Variants in NECTIN1 observed in about 807,000 individuals in gnomAD.
The protein encoded by NECTIN1 is nectin-1.
NECTIN1 carries 23 observed loss-of-function variants against 48.0 expected under a neutral mutation model. The observed-to-expected ratio is 0.48, with a 90% CI of 0.34 to 0.68. The LOEUF (loss-of-function observed/expected upper bound fraction) is 0.68, where lower values mean the gene tolerates loss of function less well. NECTIN1 is among the 30% of genes least tolerant of loss of function. The probability of loss-of-function intolerance (pLI) is 0.01; values close to 1 mark genes in which losing one functional copy is unlikely to be tolerated. For missense variants in NECTIN1, 591 were observed against 709.9 expected (o/e 0.83, Z 1.90); for synonymous variants, 270 against 288.9 (o/e 0.93, Z 0.66).
chr11:119,716,616 C>T (rs1865746091), intron 1 of NECTIN1, among the ~76,000 whole-genome samples: 1 of 152,206 alleles, frequency 6.6e-6, no homozygotes, highest in South Asian at 2.1e-4. Context: ...TTGTTTGTGA[C>T]CCTGTAGACA....
intron 5 of NECTIN1, among the ~76,000 whole-genome samples, chr11:119,647,573 G>T (rs1393112814): frequency 2.6e-5 from 4 of 151,878 alleles, no homozygotes; most frequent in Non-Finnish European, 4.4e-5. Context: ...ACCTCCTCTG[G>T]GTGCCCTCTT....
chr11:119,646,785 G>T (rs377499204), intron 5 of NECTIN1, among the ~76,000 whole-genome samples: 18 of 152,348 alleles, frequency 1.2e-4, no homozygotes, highest in Middle Eastern at 3.4e-3. Context: ...GGTTGAGCTG[G>T]CCACCTTCTT....
chr11:119,690,517 A>T (rs1323002254), intron 1 of NECTIN1, among the ~76,000 whole-genome samples: 1 of 152,050 alleles, frequency 6.6e-6, no homozygotes, highest in East Asian at 1.9e-4. Context: ...TTTTCTCTTG[A>T]CTTCTTCAGC....
chr11:119,722,584 C>T (rs1865850050), intron 1 of NECTIN1, among the ~76,000 whole-genome samples: 1 of 152,262 alleles, frequency 6.6e-6, no homozygotes, highest in Non-Finnish European at 1.5e-5. Context: ...CCCTCAGTGA[C>T]AGGCGGCAGA....
Position 119,709,172 on chromosome 11 carries a change from T to C in NECTIN1, c.79+19303A>G, listed in dbSNP as rs1016596534. On this transcript the variant is annotated intron_variant, in intron 1 of 5. Transcript: ENST00000264025. The surrounding 1 kb of genome is among the most constrained non-coding windows in gnomAD (Gnocchi z 4.1). ...CTATTTTTGAAGACAGGCGGGTCCC[T>C]TGGTAATAGAACAGGCACGAAGAGG... Among the ~76,000 whole-genome samples, 2 of 151,962 alleles carry C rather than the reference T, an allele frequency of 1.3e-5. No individual in the cohort carries two copies. Among genetic ancestry groups the C allele is most frequent in the Non-Finnish European group, 2.9e-5 (2 of 67,982 alleles).
chr11:119,696,352 T>C (rs1865340183), intron 1 of NECTIN1, among the ~76,000 whole-genome samples: 2 of 152,188 alleles, frequency 1.3e-5, no homozygotes, highest in South Asian at 4.1e-4. Context: ...TACCCCCAGC[T>C]AGACTTCAGC....
chr11:119,696,130 G>C (rs3862617), intron 1 of NECTIN1, among the ~76,000 whole-genome samples: 6,947 of 152,224 alleles, frequency 0.046, 320 homozygotes, highest in African/African-American at 0.11. Context: ...TAAATTTTTG[G>C]TAGAGTTGGG....
At chr11:119,643,082 C>CA (rs893718095) in intron 5 of NECTIN1, 18 of 153,750 alleles carry the variant, frequency 1.2e-4, no homozygotes, top group African/African-American at 3.6e-4. Flanking sequence ...GTGCCAGGGC[C>CA]ACAGTGGATA....
intron 4 of NECTIN1, among the ~76,000 whole-genome samples, chr11:119,676,027 A>G (rs1305469712): frequency 2.0e-5 from 3 of 151,978 alleles, no homozygotes; most frequent in African/African-American, 7.3e-5. Context: ...AAAAAATAAT[A>G]ATACAGATGC....
intron 5 of NECTIN1, among the ~76,000 whole-genome samples, chr11:119,645,512 G>A (rs73571286): frequency 0.045 from 6,873 of 152,188 alleles, 535 homozygotes; most frequent in African/African-American, 0.15. Context: ...AGGACTTCTG[G>A]CACACCCTTC....
At chr11:119,720,617 G>A (rs761393607) in intron 1 of NECTIN1, among the ~76,000 whole-genome samples, 11 of 152,276 alleles carry the variant, frequency 7.2e-5, no homozygotes, top group Admixed American at 2.6e-4. Context: ...GAAGGGACAC[G>A]CTTGCCTTGG....
At chr11:119,725,928 T>G (rs939966508) in intron 1 of NECTIN1, among the ~76,000 whole-genome samples, 1 of 152,214 alleles carries the variant, frequency 6.6e-6, no homozygotes, top group Non-Finnish European at 1.5e-5. Context: ...GTAACCCACC[T>G]GCCCCACTGA....
intron 5 of NECTIN1, among the ~76,000 whole-genome samples, chr11:119,643,915 A>G (rs1864360096): frequency 6.6e-6 from 1 of 152,200 alleles, no homozygotes; most frequent in African/African-American, 2.4e-5. Context: ...GAGGTTGGCT[A>G]TGTGCCTCTT....
chr11:119,639,094 A>G (rs1265297972), intron 6 of NECTIN1, among the ~76,000 whole-genome samples: 1 of 152,208 alleles, frequency 6.6e-6, no homozygotes, highest in Non-Finnish European at 1.5e-5. Flanking sequence ...CTCAAAGGAC[A>G]GGGAGGAACC....
chr11:119,648,063 CAAAAAAAAAAAA>C (rs55695982), intron 5 of NECTIN1, among the ~76,000 whole-genome samples: 5 of 43,092 alleles, frequency 1.2e-4, no homozygotes, highest in Admixed American at 5.0e-4. Flanking sequence ...GACACCGTCT[CAAAAAAAAAAAA>C]AAAAAAAAAA....
At chr11:119,690,958 T>C (rs968628952) in intron 1 of NECTIN1, among the ~76,000 whole-genome samples, 24 of 151,882 alleles carry the variant, frequency 1.6e-4, no homozygotes, top group African/African-American at 5.1e-4. Flanking sequence ...CCTGTGAAAA[T>C]GGGCAGTTAT....
At chr11:119,668,607 T>G (rs1864815507) in intron 5 of NECTIN1, among the ~76,000 whole-genome samples, 1 of 152,224 alleles carries the variant, frequency 6.6e-6, no homozygotes, top group Non-Finnish European at 1.5e-5. Flanking sequence ...CAGCCCCTTC[T>G]TCAGGAGCCT....
chr11:119,720,366 A>G lies in NECTIN1; in HGVS notation c.79+8109T>C, dbSNP rs374943312. On this transcript the variant is annotated intron_variant, in intron 1 of 5. Coordinates refer to ENST00000264025, the MANE Select transcript of NECTIN1 (RefSeq NM_002855.5). Reference sequence around the variant, plus strand: ...CCAGACCAGCTGCTGGCAGGCCCTCACAGGGGCACTCCACGAGCCCACGCA... The same window carrying G: ...CCAGACCAGCTGCTGGCAGGCCCTCGCAGGGGCACTCCACGAGCCCACGCA... Among the ~76,000 whole-genome samples, 49 of 152,232 alleles carry G rather than the reference A, an allele frequency of 3.2e-4. 1 individual carries two copies. The highest frequency in any genetic ancestry group is 1.1e-3 in the African/African-American group (47 of 41,460).
At chr11:119,646,618 GAGA>G (rs538081332) in intron 5 of NECTIN1, among the ~76,000 whole-genome samples, 220 of 152,304 alleles carry the variant, frequency 1.4e-3, no homozygotes, top group Middle Eastern at 3.4e-3. Flanking sequence ...CTGGAGCTCA[GAGA>G]AGGTTGGTGA....
Sources: gnomAD v4.1 joint callset for allele counts (sites outside exome capture counted in the v4.1 genomes callset) on GRCh38, gnomAD v4.1.1 for gene constraint, Gnocchi (gnomAD v3.1) non-coding constraint, MANE v1.5 for transcripts, NCBI Gene and HGNC (gene_info 2026-07-23, HGNC 2026-07-21) for gene names.